MAPK10: variants seen among roughly 807,000 people sequenced by gnomAD.
MAPK10 encodes the protein mitogen-activated protein kinase 10.
A neutral mutation model predicts 59.3 loss-of-function variants in MAPK10; 25 were observed. That is an observed-to-expected ratio of 0.42 (90% confidence interval 0.31 to 0.59). The LOEUF is 0.59. MAPK10 is among the 20% of genes least tolerant of loss of function. The probability of loss-of-function intolerance (pLI) is 0.15; values close to 1 mark genes in which losing one functional copy is unlikely to be tolerated. For missense variants in MAPK10, 351 were observed against 568.9 expected, an observed-to-expected ratio of 0.62 and a Z score of 3.90; for synonymous variants, 190 against 200.5, an observed-to-expected ratio of 0.95 and a Z score of 0.44.
At chr4:86,114,070 T>C (rs1580487455) in intron 4 of MAPK10, among the ~76,000 whole-genome samples, 1 of 152,338 alleles carries the variant, frequency 6.6e-6, no homozygotes, top group East Asian at 1.9e-4. Flanking sequence ...CATCAGGTCA[T>C]TTATGTTCCT....
intron 2 of MAPK10, among the ~76,000 whole-genome samples, chr4:86,284,882 G>A (rs2094940822): frequency 6.6e-6 from 1 of 152,166 alleles, no homozygotes; most frequent in South Asian, 2.1e-4. Context: ...CTTTAATTCT[G>A]TCAAGGGCTT....
intron 13 of MAPK10, chr4:86,028,744 C>T (rs1360151038): frequency 5.4e-6 from 1 of 186,670 alleles, no homozygotes. Context: ...TCCAAGCTGA[C>T]CTTAACCGGA....
intron 1 of MAPK10, among the ~76,000 whole-genome samples, chr4:86,551,228 T>G (rs1278251668): frequency 1.3e-5 from 2 of 152,214 alleles, no homozygotes; most frequent in African/African-American, 2.4e-5. Flanking sequence ...TTTACATTAC[T>G]TTAAAGAAAT....
At chr4:86,301,323 C>A (rs1057028852) in intron 2 of MAPK10, among the ~76,000 whole-genome samples, 1 of 151,248 alleles carries the variant, frequency 6.6e-6, no homozygotes, top group Non-Finnish European at 1.5e-5. Context: ...ACCTTCTTCA[C>A]AGTGAAAGTT....
chr4:86,180,816 A>G (rs2076772014), intron 3 of MAPK10, among the ~76,000 whole-genome samples: 1 of 152,014 alleles, frequency 6.6e-6, no homozygotes, highest in Admixed American at 6.6e-5. Context: ...TCATAGAAAT[A>G]AAAAGTAGAA....
intron 1 of MAPK10, among the ~76,000 whole-genome samples, chr4:86,479,930 C>A (rs927837994): frequency 4.6e-5 from 7 of 152,192 alleles, no homozygotes; most frequent in Admixed American, 2.6e-4. Context: ...TCCCACGCCA[C>A]CCCTAATCCT....
chr4:86,284,870 A>T (rs1291704761), intron 2 of MAPK10, among the ~76,000 whole-genome samples: 2 of 152,186 alleles, frequency 1.3e-5, no homozygotes, highest in Non-Finnish European at 2.9e-5. Flanking sequence ...GTAGGTATAG[A>T]TCTTTAATTC....
At chr4:86,492,172 G>A (rs920888170) in intron 1 of MAPK10, among the ~76,000 whole-genome samples, 8 of 152,260 alleles carry the variant, frequency 5.3e-5, no homozygotes, top group Admixed American at 5.2e-4. Flanking sequence ...TAAGAATACT[G>A]TCTTCAGATT....
At chr4:86,227,474 G>A (rs1282080508) in intron 2 of MAPK10, among the ~76,000 whole-genome samples, 5 of 142,880 alleles carry the variant, frequency 3.5e-5, no homozygotes, top group African/African-American at 1.1e-4. Context: ...GCGACAGAGC[G>A]AGACTCCCTC....
At chr4:86,249,163 TAC>T (rs3029313) in intron 2 of MAPK10, among the ~76,000 whole-genome samples, 41,158 of 151,024 alleles carry the variant, frequency 0.27, 8,419 homozygotes, top group African/African-American at 0.58. Flanking sequence ...CATACATGCA[TAC>T]ACACACACAC....
intron 3 of MAPK10, among the ~76,000 whole-genome samples, chr4:86,170,766 T>A (rs1350894096): frequency 6.6e-6 from 1 of 150,494 alleles, no homozygotes; most frequent in East Asian, 2.0e-4. Context: ...ATCAACAGAA[T>A]ATACATTTTT....
At chr4:86,319,523 A>G (rs1312179499) in intron 2 of MAPK10, among the ~76,000 whole-genome samples, 1 of 152,206 alleles carries the variant, frequency 6.6e-6, no homozygotes, top group Non-Finnish European at 1.5e-5. Context: ...GTCAGCCCCT[A>G]TTGGTGCCCT....
At chr4:86,025,314 T>C in intron 13 of MAPK10, 1 of 389,936 alleles carries the variant, frequency 2.6e-6, no homozygotes, top group Non-Finnish European at 4.5e-6. Flanking sequence ...ACTCCCTCTA[T>C]TGCGCTATAA....
At chr4:86,183,340 A>C (rs138714649) in intron 3 of MAPK10, among the ~76,000 whole-genome samples, 21,929 of 134,360 alleles carry the variant, frequency 0.16, 1,701 homozygotes, top group African/African-American at 0.22. Context: ...CTTCCTGTGT[A>C]CATGTGTTCT....
At chr4:86,186,301 G>A (rs1265707950) in intron 3 of MAPK10, among the ~76,000 whole-genome samples, 1 of 152,106 alleles carries the variant, frequency 6.6e-6, no homozygotes, top group Non-Finnish European at 1.5e-5. Flanking sequence ...TCTAGCACTG[G>A]AGTTCTTATT....
At chr4:86,569,285 A>G (rs1358859287) in intron 1 of MAPK10, among the ~76,000 whole-genome samples, 1 of 152,204 alleles carries the variant, frequency 6.6e-6, no homozygotes, top group East Asian at 1.9e-4. Flanking sequence ...CTATTATTAA[A>G]AAGTCAAAAA....
chr4:86,087,333 A>G (rs1452020801), intron 9 of MAPK10, among the ~76,000 whole-genome samples: 1 of 152,170 alleles, frequency 6.6e-6, no homozygotes, highest in Non-Finnish European at 1.5e-5. Context: ...AATTGAGTCT[A>G]TTTTCATCAA....
chr4:86,067,375 T>A (rs1258152714), intron 10 of MAPK10, among the ~76,000 whole-genome samples: 1 of 152,120 alleles, frequency 6.6e-6, no homozygotes, highest in Non-Finnish European at 1.5e-5. Flanking sequence ...CTCGATTTCC[T>A]GACCTCTTGA....
At chr4:86,137,704 T>G (rs1329222706) in intron 4 of MAPK10, among the ~76,000 whole-genome samples, 1 of 122,336 alleles carries the variant, frequency 8.2e-6, no homozygotes, top group Non-Finnish European at 1.6e-5. Context: ...CTGAAGGAAA[T>G]AGAGACACAA....
Sources: gnomAD v4.1 joint callset for allele counts (sites outside exome capture counted in the v4.1 genomes callset) on GRCh38, gnomAD v4.1.1 for gene constraint, MANE v1.5 for transcripts, NCBI Gene and HGNC (gene_info 2026-07-23, HGNC 2026-07-21) for gene names.